The following HSPA13 variants were observed in gnomAD, a reference collection of about 807,000 sequenced individuals.
HSPA13 encodes heat shock protein family A (Hsp70) member 13, also known as heat shock 70 kDa protein 13.
HSPA13 carries 29 observed loss-of-function variants against 38.8 expected under a neutral mutation model. The observed-to-expected ratio is 0.75, with a 90% CI of 0.56 to 1.02. The LOEUF (loss-of-function observed/expected upper bound fraction) is 1.02, where lower values mean the gene tolerates loss of function less well. Ranked by LOEUF, HSPA13 falls within the 50% of genes least tolerant of loss-of-function variation. HSPA13 has a pLI of 0.00. For missense variants in HSPA13, 451 were observed against 560.9 expected, an observed-to-expected ratio of 0.80 and a Z score of 1.98; for synonymous variants, 192 against 205.3, an observed-to-expected ratio of 0.94 and a Z score of 0.56.
At chr21:14,379,711 T>A (rs1276579472) in intron 2 of HSPA13, among the ~76,000 whole-genome samples, 3 of 152,118 alleles carry the variant, frequency 2.0e-5, no homozygotes, top group Non-Finnish European at 4.4e-5. Context: ...ACCTAAGAAA[T>A]GCAGGGAGCA....
chr21:14,373,884 T>C lies in HSPA13; in HGVS notation c.1149A>G (p.Val383=). 1 of 1,614,234 alleles carries C rather than the reference T, an allele frequency of 6.2e-7. No homozygotes were observed. The highest frequency in any genetic ancestry group is 8.5e-7 in the Non-Finnish European group (1 of 1,180,032). The change falls in exon 5 of 5, where the codon GTA becomes GTG. Residue 383 remains valine (V), a synonymous_variant. Transcript: ENST00000285667. ...LNEDLFQKIL[V]PIQQVLKEGH... is the part of the protein sequence containing the mutation. ...CTTCTTTCAATACTTGCTGAATGGG[T>C]ACCAGTATTTTCTGAAAGAGGTCTT...
rs1982822451 is a variant in HSPA13, at chr21:14,371,342, TTAATA to T, written c.*2270_*2274del. On this transcript the variant is annotated 3_prime_UTR_variant, in exon 5 of 5. Transcript: ENST00000285667. ...CACATATTCTAATCATACAAGACAC[TTAATA>T]TTTTAAAAGTTACATACTTCAAATA... 1 of 152,606 alleles carries T rather than the reference TTAATA, an allele frequency of 6.6e-6. No homozygotes were observed. Among genetic ancestry groups the T allele is most frequent in the Admixed American group, 6.5e-5 (1 of 15,280 alleles). The allele number at this position is 152,606 out of a possible 1,614,324, so 9.5% of individuals were successfully genotyped here. A position where few individuals can be genotyped will look rare whatever the true frequency, so the allele number is the denominator to read the frequency against.
chr21:14,376,419 TA>T (rs914856140), intron 3 of HSPA13, among the ~76,000 whole-genome samples: 1 of 150,760 alleles, frequency 6.6e-6, no homozygotes, highest in Non-Finnish European at 1.5e-5. Flanking sequence ...TCTCAAAAAA[TA>T]AAAAAAAATA....
Position 14,373,941 on chromosome 21 carries a change from TTC to T in HSPA13, c.1090_1091del (p.Glu364AsnfsTer7), listed in dbSNP as rs1341855944. On this transcript the variant is annotated frameshift_variant, in exon 5 of 5. Coordinates refer to ENST00000285667, the MANE Select transcript of HSPA13 (RefSeq NM_006948.5). LOFTEE classifies it high-confidence loss of function. Reference sequence around the variant, plus strand: ...GGGTATCAAAGAGTTTCCGTGATATTTCTGTTTCAAATAAAACCTGACTTTCT... The same window carrying T: ...GGGTATCAAAGAGTTTCCGTGATATTTGTTTCAAATAAAACCTGACTTTCT... ...SGESQVLFET[E>X]ISRKLFDTLN... The T allele has an allele frequency of 1.2e-6, 2 of 1,614,216 alleles. No homozygotes were observed. The highest frequency in any genetic ancestry group is 2.2e-5 in the East Asian group (1 of 44,884).
intron 2 of HSPA13, 43 bp downstream of exon 2, chr21:14,381,160 A>C (rs749446628): frequency 4.3e-6 from 6 of 1,405,246 alleles, no homozygotes; most frequent in Non-Finnish European, 5.8e-6. Flanking sequence ...ATTAACTAAA[A>C]GAGTACACTA....
rs1426007525 is a variant in HSPA13, at chr21:14,375,828, T to C, written c.581-9A>G. The C allele has an allele frequency of 2.5e-6, 4 of 1,611,382 alleles. No individual in the cohort carries two copies. Among genetic ancestry groups the C allele is most frequent in the South Asian group, 1.1e-5 (1 of 90,932 alleles). On this transcript the variant is annotated splice_polypyrimidine_tract_variant and intron_variant, in intron 3 of 4. Transcript: ENST00000285667. The stretch of plus-strand genomic sequence containing the variant: ...CCTCAAAATCTTCAGTCCTGTAAGA[T>C]TGGTTAAGGGAAGAAAAATTCATGA...
rs1379622216 is a variant in HSPA13 at position 14,373,399 on chromosome 21, A to G, written c.*218T>C. On this transcript the variant is annotated 3_prime_UTR_variant, in exon 5 of 5. Transcript: ENST00000285667. ...TTGTACCTCAATTTTATCATTTTAGAGTATTTGTTAGAATAGGATCTCTCC... is the reference window on the plus strand; with the variant it reads ...TTGTACCTCAATTTTATCATTTTAGGGTATTTGTTAGAATAGGATCTCTCC... The G allele has an allele frequency of 5.9e-6, 3 of 506,078 alleles. No homozygotes were observed. The Admixed American group carries it at 1.0e-4, about 17-fold the overall frequency. The allele number at this position is 506,078 out of a possible 1,614,324, so 31.3% of individuals were successfully genotyped here. A position where few individuals can be genotyped will look rare whatever the true frequency, so the allele number is the denominator to read the frequency against.
chr21:14,374,354 T>C, intron 4 of HSPA13, 70 bp from the exon 5 acceptor site: 1 of 1,082,398 alleles, frequency 9.2e-7, no homozygotes, highest in Non-Finnish European at 1.3e-6. Context: ...TGTTATTATG[T>C]ATACGTAAAA....
chr21:14,374,345 GTTA>G (rs1411295019), intron 4 of HSPA13, 61 bp from the exon 5 acceptor site: 23 of 1,153,268 alleles, frequency 2.0e-5, no homozygotes, highest in Non-Finnish European at 2.6e-5. Flanking sequence ...ATACACGTAT[GTTA>G]TTATGTATAC....
At chr21:14,377,806 C>G (rs1327017187) in intron 3 of HSPA13, among the ~76,000 whole-genome samples, 1 of 152,250 alleles carries the variant, frequency 6.6e-6, no homozygotes, top group East Asian at 1.9e-4. Flanking sequence ...ACATCGGACT[C>G]TAAGTTCTTT....
chr21:14,379,937 T>C (rs1376525516), intron 2 of HSPA13, among the ~76,000 whole-genome samples: 2 of 151,620 alleles, frequency 1.3e-5, no homozygotes, highest in Non-Finnish European at 2.9e-5. Context: ...CACTTGAACC[T>C]GGGAGGCAGA....
chr21:14,383,037 T>C, intron 1 of HSPA13, 58 bp downstream of exon 1: 1 of 1,600,648 alleles, frequency 6.2e-7, no homozygotes, highest in Non-Finnish European at 8.6e-7. Context: ...CTGCCCACTC[T>C]GGCATCCTCA....
rs1982887135 is a variant in HSPA13, at chr21:14,373,851, C to A, written c.1182G>T (p.Leu394=). ...PIQQVLKEGH[L]EKTEIDEVVL... ...CCACCTCATCAATCTCAGTCTTTTC[C>A]AGGTGGCCTTCTTTCAATACTTGCT... Residue 394 remains leucine (L), a synonymous_variant, in exon 5 of 5, where the codon CTG becomes CTT. Transcript: ENST00000285667. 1 of 1,614,190 alleles carries A rather than the reference C, an allele frequency of 6.2e-7. No homozygotes were observed. The highest frequency in any genetic ancestry group is 8.5e-7 in the Non-Finnish European group (1 of 1,180,036).
Position 14,373,885 on chromosome 21 carries a change from A to G in HSPA13, c.1148T>C (p.Val383Ala), listed in dbSNP as rs149516353. Residue 383 changes from valine (V) to alanine (A), a missense_variant, in exon 5 of 5, where the codon GTA becomes GCA. By Grantham distance (64) the Val-to-Ala change is moderately conservative. Transcript: ENST00000285667. ...TTCTTTCAATACTTGCTGAATGGGT[A>G]CCAGTATTTTCTGAAAGAGGTCTTC... ...LNEDLFQKILVPIQQVLKEGH... is the reference protein window; with the variant it reads ...LNEDLFQKILAPIQQVLKEGH... The G allele has an allele frequency of 6.2e-7, 1 of 1,614,220 alleles. No individual in the cohort carries two copies. Among genetic ancestry groups the G allele is most frequent in the Non-Finnish European group, 8.5e-7 (1 of 1,180,024 alleles).
intron 3 of HSPA13, among the ~76,000 whole-genome samples, chr21:14,377,671 G>T (rs1293819859): frequency 2.0e-5 from 3 of 152,170 alleles, no homozygotes; most frequent in African/African-American, 4.8e-5. Flanking sequence ...ATCTGGGTGG[G>T]CACCATCTAA....
intron 1 of HSPA13, among the ~76,000 whole-genome samples, chr21:14,382,725 C>T (rs1267958551): frequency 6.6e-6 from 1 of 152,136 alleles, no homozygotes; most frequent in African/African-American, 2.4e-5. Context: ...TGTAGCTCCT[C>T]CCCCTTCCTC....
intron 2 of HSPA13, 39 bp downstream of exon 2, chr21:14,381,164 T>C: frequency 7.0e-7 from 1 of 1,424,024 alleles, no homozygotes; most frequent in South Asian, 1.3e-5. Flanking sequence ...ACTAAAAGAG[T>C]ACACTAAAAT....
At chr21:14,380,021 A>G (rs572453264) in intron 2 of HSPA13, among the ~76,000 whole-genome samples, 5 of 152,102 alleles carry the variant, frequency 3.3e-5, no homozygotes, top group African/African-American at 1.2e-4. Context: ...AAAAAAAAAA[A>G]CAAAAACTAA....
Position 14,383,080 on chromosome 21 carries a change from C to G in HSPA13, c.25+15G>C, listed in dbSNP as rs200169118. The G allele has an allele frequency of 3.1e-6, 5 of 1,613,824 alleles. No individual in the cohort carries two copies. Among genetic ancestry groups the G allele is most frequent in the Non-Finnish European group, 4.2e-6 (5 of 1,179,908 alleles). On this transcript the variant is annotated intron_variant, in intron 1 of 4. Transcript: ENST00000285667. ...TCTACGCCCGCAAGAGCAACAAGGA[C>G]CCCCGGGAACCCACCTAAGATCGTC...
Sources: gnomAD v4.1 joint callset for allele counts (sites outside exome capture counted in the v4.1 genomes callset) on GRCh38, gnomAD v4.1.1 for gene constraint, MANE v1.5 for transcripts, NCBI Gene and HGNC (gene_info 2026-07-23, HGNC 2026-07-21) for gene names.